The following AUTS2 variants were observed in gnomAD, a reference collection of about 807,000 sequenced individuals.
AUTS2 encodes the protein autism susceptibility gene 2 protein.
AUTS2 carries 17 observed loss-of-function variants against 112.4 expected under a neutral mutation model. The observed-to-expected ratio is 0.15, with a 90% CI of 0.10 to 0.23. The LOEUF is 0.23. Ranked by LOEUF, AUTS2 falls within the 10% of genes least tolerant of loss-of-function variation. AUTS2 has a pLI of 1.00. For missense variants in AUTS2, 1,510 were observed against 1,701.6 expected, an observed-to-expected ratio of 0.89 and a Z score of 1.98; for synonymous variants, 751 against 702.7, an observed-to-expected ratio of 1.07 and a Z score of -1.09.
intron 1 of AUTS2, among the ~76,000 whole-genome samples, chr7:69,738,105 CTG>C (rs1261751833): frequency 1.3e-5 from 2 of 152,062 alleles, no homozygotes; most frequent in Non-Finnish European, 2.9e-5. Context: ...GAGTCAGAAA[CTG>C]TGCCTTTGGA....
intron 2 of AUTS2, among the ~76,000 whole-genome samples, chr7:70,054,684 TC>T (rs1331249230): frequency 6.6e-6 from 1 of 152,178 alleles, no homozygotes; most frequent in African/African-American, 2.4e-5. Flanking sequence ...CTTTGGTAAA[TC>T]ATTCTAGAAT....
intron 4 of AUTS2, among the ~76,000 whole-genome samples, chr7:70,354,999 GGTGT>G (rs1032090075): frequency 6.6e-5 from 9 of 136,852 alleles, no homozygotes; most frequent in African/African-American, 1.6e-4. Flanking sequence ...TGTGTGTATG[GGTGT>G]GTGTGTATGT....
intron 5 of AUTS2, among the ~76,000 whole-genome samples, chr7:70,568,145 G>A (rs1801782372): frequency 6.6e-6 from 1 of 152,202 alleles, no homozygotes; most frequent in South Asian, 2.1e-4. Context: ...TTCAGAATAA[G>A]TCACTTTGGT....
intron 4 of AUTS2, among the ~76,000 whole-genome samples, chr7:70,307,030 T>C (rs940591737): frequency 1.1e-4 from 16 of 152,238 alleles, no homozygotes; most frequent in African/African-American, 3.6e-4. Context: ...TGTGTATTTT[T>C]GTTGAACCTT....
intron 1 of AUTS2, among the ~76,000 whole-genome samples, chr7:69,772,802 A>G (rs927003645): frequency 1.3e-5 from 2 of 152,224 alleles, no homozygotes; most frequent in African/African-American, 4.8e-5. Context: ...GAGGAGCCAG[A>G]CTAAGAAGTT....
chr7:70,504,666 T>C lies in AUTS2; in HGVS notation c.690+68885T>C, dbSNP rs560157540. 7.9e-5 allele frequency among the ~76,000 whole-genome samples: 12 copies of C among 152,320 alleles called. No homozygotes were observed. The East Asian group carries it at 2.1e-3, about 27-fold the overall frequency. On this transcript the variant is annotated intron_variant, in intron 5 of 18. Coordinates refer to ENST00000342771, the MANE Select transcript of AUTS2 (RefSeq NM_015570.4). ...ATATATTAAGTGGACAAACATCTAA[T>C]GTTTTCCTCTCGAAATCATGAGTTT...
chr7:70,650,280 C>G (rs1018414471), intron 5 of AUTS2, among the ~76,000 whole-genome samples: 4 of 152,178 alleles, frequency 2.6e-5, no homozygotes, highest in Non-Finnish European at 5.9e-5. Flanking sequence ...CAGTCACCGT[C>G]CAAGAATAAT....
chr7:70,496,427 T>C (rs369569748), intron 5 of AUTS2, among the ~76,000 whole-genome samples: 120 of 73,782 alleles, frequency 1.6e-3, no homozygotes, highest in Admixed American at 3.9e-3. Flanking sequence ...CACATGCACA[T>C]GTCACATCAG....
At chr7:70,275,356 C>T (rs920197510) in intron 4 of AUTS2, among the ~76,000 whole-genome samples, 1 of 152,078 alleles carries the variant, frequency 6.6e-6, no homozygotes, top group African/African-American at 2.4e-5. Context: ...CTAGAGTAGT[C>T]AAACTCACAG....
chr7:70,011,212 C>G (rs764997268), intron 2 of AUTS2, among the ~76,000 whole-genome samples: 3 of 152,084 alleles, frequency 2.0e-5, no homozygotes, highest in African/African-American at 7.2e-5. Context: ...ATGAAAAAAT[C>G]GAGTTGTCTA....
At chr7:70,244,553 C>G (rs1562816390) in intron 4 of AUTS2, among the ~76,000 whole-genome samples, 1 of 152,212 alleles carries the variant, frequency 6.6e-6, no homozygotes, top group African/African-American at 2.4e-5. Context: ...TAATCATGCT[C>G]TAGAGTTTCT....
At chr7:69,933,317 A>G (rs1796291541) in intron 2 of AUTS2, among the ~76,000 whole-genome samples, 1 of 152,232 alleles carries the variant, frequency 6.6e-6, no homozygotes, top group Admixed American at 6.5e-5. Flanking sequence ...ATTTAGATAT[A>G]TAAGATGACT....
chr7:70,700,599 T>A (rs1487212103), intron 6 of AUTS2, among the ~76,000 whole-genome samples: 1 of 150,398 alleles, frequency 6.6e-6, no homozygotes, highest in East Asian at 2.1e-4. Context: ...AGAAAGAGAT[T>A]AAGGGGGGTG....
intron 1 of AUTS2, among the ~76,000 whole-genome samples, chr7:69,855,804 A>G (rs1023216021): frequency 2.0e-5 from 3 of 152,018 alleles, no homozygotes; most frequent in South Asian, 2.1e-4. Context: ...AGAATTATCA[A>G]CTCTTGCTGT....
intron 5 of AUTS2, among the ~76,000 whole-genome samples, chr7:70,554,927 A>G (rs1272955096): frequency 1.3e-5 from 2 of 152,218 alleles, no homozygotes; most frequent in Admixed American, 6.5e-5. Flanking sequence ...CTTTGAGCAC[A>G]TGTTAATTGG....
At chr7:69,962,959 T>C (rs977973306) in intron 2 of AUTS2, among the ~76,000 whole-genome samples, 1 of 152,130 alleles carries the variant, frequency 6.6e-6, no homozygotes, top group Non-Finnish European at 1.5e-5. Context: ...CTCTTCAGAC[T>C]CTCTTAAAAA....
At chr7:70,698,760 G>A in intron 6 of AUTS2, 140 bp downstream of exon 6, 2 of 661,616 alleles carry the variant, frequency 3.0e-6, no homozygotes, top group Non-Finnish European at 4.9e-6. Context: ...TTTTGCTTGA[G>A]ATGGAAGTCT....
chr7:70,407,900 A>G (rs1794606429), intron 4 of AUTS2, among the ~76,000 whole-genome samples: 1 of 151,922 alleles, frequency 6.6e-6, no homozygotes, highest in Non-Finnish European at 1.5e-5. Context: ...TAAAAATACA[A>G]AAAATTAGCC....
In AUTS2 at chr7:70,198,426, G is replaced by A. The variant is rs1315131243; in HGVS notation, c.660+63855G>A. Among the ~76,000 whole-genome samples the A allele has an allele frequency of 3.9e-5, 6 of 151,920 alleles. No homozygotes were observed. The East Asian group carries it at 1.2e-3, about 30-fold the overall frequency. On this transcript the variant is annotated intron_variant, in intron 4 of 18. Transcript: ENST00000342771. ...GGATAACATTCAAACCAAAGGCAAA[G>A]AAGTTGAAAACTTTGAAAAAAATTT...
Sources: gnomAD v4.1 joint callset for allele counts (sites outside exome capture counted in the v4.1 genomes callset) on GRCh38, gnomAD v4.1.1 for gene constraint, MANE v1.5 for transcripts, NCBI Gene and HGNC (gene_info 2026-07-23, HGNC 2026-07-21) for gene names.